OR52N2: variants seen among roughly 807,000 people sequenced by gnomAD.
The protein encoded by OR52N2 is olfactory receptor family 52 subfamily N member 2, also known as olfactory receptor 52N2.
For missense variants in OR52N2, 326 were observed against 196.6 expected (o/e 1.66, Z -3.94); for synonymous variants, 129 against 72.0 (o/e 1.79, Z -4.01).
intron 1 of OR52N2, among the ~76,000 whole-genome samples, chr11:5,809,631 G>A (rs1320770893): frequency 6.7e-6 from 1 of 148,554 alleles, no homozygotes; most frequent in Admixed American, 6.8e-5. Flanking sequence ...GAAAATTATT[G>A]TATCTTACAT....
At position 5,817,979 on chromosome 11, in the gene OR52N2, C is replaced by T. The variant is rs540504485; in HGVS notation, c.-54-2303C>T. ...ATATACAATGTCATGATGAAATGTG[C>T]ACAAAATAATACTAGCTGGAGATAG... On this transcript the variant is annotated intron_variant, in intron 1 of 1. Transcript: ENST00000317037. Among the ~76,000 whole-genome samples the T allele has an allele frequency of 4.6e-5, 7 of 152,202 alleles. No individual in the cohort carries two copies. The East Asian group carries it at 1.4e-3, about 29-fold the overall frequency.
intron 1 of OR52N2, among the ~76,000 whole-genome samples, chr11:5,819,465 G>C (rs1224335208): frequency 6.6e-6 from 1 of 152,072 alleles, no homozygotes; most frequent in Non-Finnish European, 1.5e-5. Flanking sequence ...GAATGGATAG[G>C]GAACTTGTGA....
At chr11:5,817,237 T>C (rs905786478) in intron 1 of OR52N2, among the ~76,000 whole-genome samples, 2 of 152,202 alleles carry the variant, frequency 1.3e-5, no homozygotes, top group African/African-American at 2.4e-5. Flanking sequence ...TTCTACTTCA[T>C]ATCATTTCAT....
intron 1 of OR52N2, among the ~76,000 whole-genome samples, chr11:5,814,467 T>C (rs1331493342): frequency 6.6e-6 from 1 of 152,030 alleles, no homozygotes; most frequent in East Asian, 1.9e-4. Context: ...TTAATTCCAT[T>C]GTAAATTAAA....
At chr11:5,820,031 A>G (rs1423414288) in intron 1 of OR52N2, among the ~76,000 whole-genome samples, 1 of 152,222 alleles carries the variant, frequency 6.6e-6, no homozygotes, top group South Asian at 2.1e-4. Flanking sequence ...GTAGTACAGT[A>G]TAAGAGTTGT....
Position 5,819,108 on chromosome 11 carries a change from T to G in OR52N2, c.-54-1174T>G, listed in dbSNP as rs1391346032. On this transcript the variant is annotated intron_variant, in intron 1 of 1. Coordinates refer to ENST00000317037, the MANE Select transcript of OR52N2 (RefSeq NM_001005174.3). Reference sequence around the variant, plus strand: ...AACCATGTAATCCATGCCATCACACTGCAAATGTATATCTATTTCTGCTAG... The same window carrying G: ...AACCATGTAATCCATGCCATCACACGGCAAATGTATATCTATTTCTGCTAG... Among the ~76,000 whole-genome samples the G allele has an allele frequency of 5.3e-5, 8 of 152,190 alleles. No homozygotes were observed. In the East Asian group the frequency reaches 1.3e-3, roughly 26 times the overall value.
chr11:5,809,326 G>A (rs1341223498), intron 1 of OR52N2, among the ~76,000 whole-genome samples: 1 of 152,010 alleles, frequency 6.6e-6, no homozygotes, highest in Non-Finnish European at 1.5e-5. Context: ...CATGGGCTGG[G>A]GTCCCCCATG....
At chr11:5,818,983 C>T (rs538475485) in intron 1 of OR52N2, among the ~76,000 whole-genome samples, 1 of 152,322 alleles carries the variant, frequency 6.6e-6, no homozygotes, top group South Asian at 2.1e-4. Context: ...ACATTTCCCT[C>T]CATCATTGGA....
chr11:5,810,461 A>G (rs1016283596), intron 1 of OR52N2, among the ~76,000 whole-genome samples: 3 of 152,230 alleles, frequency 2.0e-5, no homozygotes, highest in Non-Finnish European at 4.4e-5. Context: ...TGATGGAAAG[A>G]TAAATAAATA....
At chr11:5,813,439 A>T (rs1219901855) in intron 1 of OR52N2, among the ~76,000 whole-genome samples, 1 of 152,132 alleles carries the variant, frequency 6.6e-6, no homozygotes. Context: ...ATTGGACCTG[A>T]ACTGCACTTA....
rs145148379 is a variant in OR52N2, at chr11:5,809,634, T to A, written c.-55+580T>A. Reference sequence around the variant, plus strand: ...GAGGAACTCAGAGAAAATTATTGTATCTTACATTGTCTTTCAAAAAAAAAA... The same window carrying A: ...GAGGAACTCAGAGAAAATTATTGTAACTTACATTGTCTTTCAAAAAAAAAA... On this transcript the variant is annotated intron_variant, in intron 1 of 1. Transcript: ENST00000317037. 2.3e-4 allele frequency among the ~76,000 whole-genome samples: 35 copies of A among 150,980 alleles called. No homozygotes were observed. The East Asian group carries it at 6.2e-3, about 27-fold the overall frequency.
intron 1 of OR52N2, among the ~76,000 whole-genome samples, chr11:5,812,522 A>G (rs1207602173): frequency 6.6e-6 from 1 of 150,612 alleles, no homozygotes; most frequent in African/African-American, 2.4e-5. Context: ...AGAAATGAGG[A>G]AAAACAAAAA....
intron 1 of OR52N2, among the ~76,000 whole-genome samples, chr11:5,811,260 AAAGT>A (rs1193835501): frequency 6.8e-6 from 1 of 147,082 alleles, no homozygotes; most frequent in Admixed American, 6.9e-5. Context: ...GTCACTGGCA[AAAGT>A]AAGTACATAG....
At chr11:5,814,312 C>T (rs978059549) in intron 1 of OR52N2, among the ~76,000 whole-genome samples, 4 of 151,386 alleles carry the variant, frequency 2.6e-5, no homozygotes, top group Non-Finnish European at 5.9e-5. Context: ...TAACAAGATA[C>T]GAAGTCAGAA....
Position 5,809,073 on chromosome 11 carries a change from C to G in OR52N2, c.-55+19C>G, listed in dbSNP as rs1283891788. The stretch of plus-strand genomic sequence containing the variant: ...CCCCTGGGTAGGATGACTGAAGATC[C>G]CTTTCTGAAGGAGAGTGGGGATCCC... On this transcript the variant is annotated intron_variant, in intron 1 of 1. Coordinates refer to ENST00000317037, the MANE Select transcript of OR52N2 (RefSeq NM_001005174.3). Among the ~76,000 whole-genome samples, 1 of 152,104 alleles carries G rather than the reference C, an allele frequency of 6.6e-6. No individual in the cohort carries two copies. Among genetic ancestry groups the G allele is most frequent in the Non-Finnish European group, 1.5e-5 (1 of 68,026 alleles).
chr11:5,814,756 ACATAGCCAAAG>A (rs1241867709), intron 1 of OR52N2, among the ~76,000 whole-genome samples: 1 of 152,182 alleles, frequency 6.6e-6, no homozygotes, highest in African/African-American at 2.4e-5. Context: ...AAGGGACCCT[ACATAGCCAAAG>A]CAATCTTGAA....
chr11:5,812,224 G>C (rs1846367481), intron 1 of OR52N2, among the ~76,000 whole-genome samples: 1 of 151,980 alleles, frequency 6.6e-6, no homozygotes, highest in Non-Finnish European at 1.5e-5. Context: ...GTCGGGCAAG[G>C]TGGCTCACAC....
chr11:5,815,290 G>C (rs1846395392), intron 1 of OR52N2, among the ~76,000 whole-genome samples: 1 of 151,802 alleles, frequency 6.6e-6, no homozygotes. Flanking sequence ...AAGTAAAAAG[G>C]CAACCCACAG....
Position 5,820,466 on chromosome 11 carries a change from A to G in OR52N2, c.131A>G (p.Asn44Ser), listed in dbSNP as rs1846438262. ...ATGTACATCATTGCTGTCGTGGGGA[A>G]CTGTGGGCTCATCTGCCTCATCAGC... ...CFMYIIAVVGNCGLICLISHE... is the reference protein window; with the variant it reads ...CFMYIIAVVGSCGLICLISHE... The change falls in exon 2 of 2, where the codon AAC becomes AGC. Residue 44 changes from asparagine (N) to serine (S), a missense_variant. By Grantham distance (46) the Asn-to-Ser change is conservative. Transcript: ENST00000317037. 1 of 779,772 alleles carries G rather than the reference A, an allele frequency of 1.3e-6. No individual in the cohort carries two copies. Among genetic ancestry groups the G allele is most frequent in the African/African-American group, 1.7e-5 (1 of 59,052 alleles). 48.3% of individuals were successfully genotyped at this position (779,772 alleles called of 1,614,324 possible).
Sources: gnomAD v4.1 joint callset for allele counts (sites outside exome capture counted in the v4.1 genomes callset) on GRCh38, gnomAD v4.1.1 for gene constraint, MANE v1.5 for transcripts, NCBI Gene and HGNC (gene_info 2026-07-23, HGNC 2026-07-21) for gene names.